ATXN10: variants seen among roughly 807,000 people sequenced by gnomAD.
ATXN10 encodes ataxin-10.
ATXN10 carries 28 observed loss-of-function variants against 52.9 expected under a neutral mutation model. The observed-to-expected ratio is 0.53, with a 90% CI of 0.39 to 0.73. The LOEUF is 0.73. Among genes scored for constraint, ATXN10 ranks in the 30% least tolerant of loss-of-function variants. ATXN10 has a pLI of 0.00. For missense variants in ATXN10, 565 were observed against 577.0 expected (o/e 0.98, Z 0.21); for synonymous variants, 226 against 221.5 (o/e 1.02, Z -0.18).
In ATXN10 at chr22:45,770,920, G is replaced by GC. The variant is rs1926754564; in HGVS notation, c.1173+30382_1173+30383insC. ...CTTGGAGAGAGAGGACAGAGCCACA[G>GC]AGCCTTCTCAGAGAGAAGAACCCAG... On this transcript the variant is annotated intron_variant, in intron 9 of 11. Transcript: ENST00000252934. This position sits in a 1 kb window ranked among gnomAD's most constrained non-coding sequence, Gnocchi z 4.5. 1.3e-5 allele frequency among the ~76,000 whole-genome samples: 2 copies of GC among 152,190 alleles called. No individual in the cohort carries two copies. Among genetic ancestry groups the GC allele is most frequent in the African/African-American group, 4.8e-5 (2 of 41,436 alleles).
At chr22:45,748,884 A>C (rs1925838325) in intron 9 of ATXN10, among the ~76,000 whole-genome samples, 1 of 152,198 alleles carries the variant, frequency 6.6e-6, no homozygotes, top group African/African-American at 2.4e-5. Context: ...TCTAGAGGAA[A>C]CCTATCATGG....
At position 45,837,867 on chromosome 22, in the gene ATXN10, GT is replaced by G. The variant is rs1353756161; in HGVS notation, c.1238-5119del. ...CCAATCATCTAAATATATTAAAACT[GT>G]TTTTAGTTTGCTGTCATAAAAAGCA... On this transcript the variant is annotated intron_variant, in intron 10 of 11. Coordinates refer to ENST00000252934, the MANE Select transcript of ATXN10 (RefSeq NM_013236.4). The surrounding 1 kb of genome is among the most constrained non-coding windows in gnomAD (Gnocchi z 5.8). Among the ~76,000 whole-genome samples the G allele has an allele frequency of 2.0e-5, 3 of 152,156 alleles. No homozygotes were observed. Among genetic ancestry groups the G allele is most frequent in the East Asian group, 3.9e-4 (2 of 5,194 alleles).
Position 45,787,934 on chromosome 22 carries a change from C to T in ATXN10, c.1174-19025C>T, listed in dbSNP as rs567207236. Among the ~76,000 whole-genome samples, 1 of 152,276 alleles carries T rather than the reference C, an allele frequency of 6.6e-6. No homozygotes were observed. Among genetic ancestry groups the T allele is most frequent in the Non-Finnish European group, 1.5e-5 (1 of 68,010 alleles). On this transcript the variant is annotated intron_variant, in intron 9 of 11. Transcript: ENST00000252934. The surrounding 1 kb of genome is among the most constrained non-coding windows in gnomAD (Gnocchi z 4.2). ...TTAATCTATCAGGAATGAGTGTTTA[C>T]ATTTGCCTACAATATTTAGTGTGGG...
At position 45,770,972 on chromosome 22, in the gene ATXN10, G is replaced by A. The variant is rs1157596518; in HGVS notation, c.1173+30434G>A. On this transcript the variant is annotated intron_variant, in intron 9 of 11. Transcript: ENST00000252934. This position sits in a 1 kb window ranked among gnomAD's most constrained non-coding sequence, Gnocchi z 4.5. ...TCCATCCTGGGAGCACTCGAGGCCA[G>A]CCCTTTTGGCTCTCTGCGGCTGCCT... Among the ~76,000 whole-genome samples, 2 of 152,212 alleles carry A rather than the reference G, an allele frequency of 1.3e-5. No homozygotes were observed. Among genetic ancestry groups the A allele is most frequent in the Non-Finnish European group, 2.9e-5 (2 of 68,042 alleles).
At chr22:45,806,413 C>G (rs747700322) in intron 9 of ATXN10, among the ~76,000 whole-genome samples, 2 of 152,150 alleles carry the variant, frequency 1.3e-5, no homozygotes, top group Non-Finnish European at 2.9e-5. Context: ...TAAATTTTTA[C>G]AAGTTCTTTA....
At chr22:45,785,159 G>T (rs1168310382) in intron 9 of ATXN10, among the ~76,000 whole-genome samples, 2 of 152,180 alleles carry the variant, frequency 1.3e-5, no homozygotes, top group Non-Finnish European at 2.9e-5. Context: ...TCCCTTTCTG[G>T]TATTGTTGCT....
chr22:45,737,573 G>A (rs937758953), intron 7 of ATXN10, among the ~76,000 whole-genome samples: 1 of 151,354 alleles, frequency 6.6e-6, no homozygotes, highest in Non-Finnish European at 1.5e-5. Flanking sequence ...TATTTATTTT[G>A]AGATTTCAGA....
rs546724429 is a variant in ATXN10, at chr22:45,740,737, C to T, written c.1173+199C>T. The T allele has an allele frequency of 3.6e-4, 136 of 375,478 alleles. 2 individuals carry two copies. In the African/African-American group the frequency reaches 3.7e-3, roughly 10 times the overall value. The allele number at this position is 375,478 out of a possible 1,614,324, so 23.3% of individuals were successfully genotyped here. On this transcript the variant is annotated intron_variant, in intron 9 of 11. Transcript: ENST00000252934. ...ACACACACATATATATACACACACA[C>T]ACGTGTGTGTGTGTGTGTATATATA...
chr22:45,756,988 C>A (rs114780981), intron 9 of ATXN10, among the ~76,000 whole-genome samples: 195 of 152,216 alleles, frequency 1.3e-3, no homozygotes, highest in African/African-American at 4.6e-3. Flanking sequence ...CACGTGGAAA[C>A]TGAGGAAGAG....
intron 1 of ATXN10, among the ~76,000 whole-genome samples, chr22:45,680,942 G>T (rs1382767368): frequency 3.3e-5 from 5 of 152,158 alleles, no homozygotes; most frequent in Non-Finnish European, 5.9e-5. Flanking sequence ...AAAGTGGGAG[G>T]CTGTTTTCTC....
intron 6 of ATXN10, among the ~76,000 whole-genome samples, chr22:45,719,347 T>C (rs1244165399): frequency 1.3e-5 from 2 of 152,146 alleles, no homozygotes; most frequent in African/African-American, 2.4e-5. Flanking sequence ...TTGTGTACTT[T>C]TGTAGTCTTT....
At chr22:45,717,826 T>C (rs551367497) in intron 5 of ATXN10, among the ~76,000 whole-genome samples, 125 of 152,332 alleles carry the variant, frequency 8.2e-4, no homozygotes, top group Non-Finnish European at 1.3e-3. Flanking sequence ...AATTAATTAA[T>C]AATAGTGTTG....
chr22:45,744,061 C>A lies in ATXN10; in HGVS notation c.1173+3523C>A, dbSNP rs751379522. On this transcript the variant is annotated intron_variant, in intron 9 of 11. Coordinates refer to ENST00000252934, the MANE Select transcript of ATXN10 (RefSeq NM_013236.4). This position sits in a 1 kb window ranked among gnomAD's most constrained non-coding sequence, Gnocchi z 4.9. ...TTGAAGTTGGGAGCTCTTGGGGGTC[C>A]TCTTATCCTTGTTTCTGATTCACCC... Among the ~76,000 whole-genome samples, 2 of 152,120 alleles carry A rather than the reference C, an allele frequency of 1.3e-5. No homozygotes were observed. Among genetic ancestry groups the A allele is most frequent in the Admixed American group, 6.5e-5 (1 of 15,282 alleles).
At chr22:45,798,890 A>G (rs1393414946) in intron 9 of ATXN10, among the ~76,000 whole-genome samples, 1 of 152,234 alleles carries the variant, frequency 6.6e-6, no homozygotes, top group Admixed American at 6.5e-5. Flanking sequence ...GCATCATAAA[A>G]CATGAAATAT....
At chr22:45,812,344 T>A (rs1928308990) in intron 10 of ATXN10, among the ~76,000 whole-genome samples, 1 of 152,210 alleles carries the variant, frequency 6.6e-6, no homozygotes, top group East Asian at 1.9e-4. Flanking sequence ...TTGTCTTGCA[T>A]GTAGTAGATA....
chr22:45,755,735 G>A (rs1244487066), intron 9 of ATXN10, among the ~76,000 whole-genome samples: 1 of 152,174 alleles, frequency 6.6e-6, no homozygotes, highest in Non-Finnish European at 1.5e-5. Flanking sequence ...ATAATGACCA[G>A]AGTCAACAGT....
intron 10 of ATXN10, among the ~76,000 whole-genome samples, chr22:45,827,740 A>T (rs1928861733): frequency 6.6e-6 from 1 of 152,208 alleles, no homozygotes; most frequent in Non-Finnish European, 1.5e-5. Context: ...GACAGAAGGT[A>T]AGTAAGGAAA....
At chr22:45,802,905 GT>G in intron 9 of ATXN10, among the ~76,000 whole-genome samples, 1 of 152,256 alleles carries the variant, frequency 6.6e-6, no homozygotes, top group South Asian at 2.1e-4. Context: ...AAAAAACCTG[GT>G]TTTTGAAAAT....
At chr22:45,739,066 C>T (rs1042874120) in intron 8 of ATXN10, among the ~76,000 whole-genome samples, 4 of 152,132 alleles carry the variant, frequency 2.6e-5, no homozygotes, top group Admixed American at 2.6e-4. Flanking sequence ...GATTCCTTCT[C>T]AGTAATGTGA....
Sources: gnomAD v4.1 joint callset for allele counts (sites outside exome capture counted in the v4.1 genomes callset) on GRCh38, gnomAD v4.1.1 for gene constraint, Gnocchi (gnomAD v3.1) non-coding constraint, MANE v1.5 for transcripts, NCBI Gene and HGNC (gene_info 2026-07-23, HGNC 2026-07-21) for gene names.